Variants in NUDT1 observed in about 807,000 individuals in gnomAD.
The protein encoded by NUDT1 is nudix hydrolase 1.
Under a neutral mutation model 11.3 loss-of-function variants are expected in NUDT1, and 16 were observed. That is an observed-to-expected ratio of 1.41 (90% CI 0.96 to 2.15). The LOEUF (loss-of-function observed/expected upper bound fraction) is 2.15. Among genes scored for constraint, NUDT1 ranks in the 30% most tolerant of loss-of-function variants. The pLI is 0.00. For synonymous variants in NUDT1, 101 were observed against 84.4 expected (o/e 1.20, Z -1.08); for missense variants, 234 against 208.4 (o/e 1.12, Z -0.76).
chr7:2,244,848 G>A lies in NUDT1; in HGVS notation c.152+122G>A, dbSNP rs566397622. 1,942 of 1,104,354 alleles carry A rather than the reference G, an allele frequency of 1.8e-3. 45 individuals are homozygous for A. In the South Asian group the frequency reaches 0.027, roughly 15 times the overall value. The allele number at this position is 1,104,354 out of a possible 1,614,324, so 68.4% of individuals were successfully genotyped here. A position where few individuals can be genotyped will look rare whatever the true frequency, so the allele number is the denominator to read the frequency against. On this transcript the variant is annotated intron_variant, in intron 2 of 3. Coordinates refer to ENST00000356714, the MANE Select transcript of NUDT1 (RefSeq NM_002452.4). The stretch of plus-strand genomic sequence containing the variant: ...AGTGACCTGGAGCAGGGGGTTAAGC[G>A]TGAGCCTCAGTGTCTTCATCTCAGA...
At chr7:2,246,832 G>A (rs1794785311) in intron 2 of NUDT1, among the ~76,000 whole-genome samples, 1 of 152,144 alleles carries the variant, frequency 6.6e-6, no homozygotes, top group South Asian at 2.1e-4. Context: ...GGCCAGGCTG[G>A]TCTTGAACAC....
At chr7:2,242,886 T>A in intron 1 of NUDT1, 1 of 700,878 alleles carries the variant, frequency 1.4e-6, no homozygotes. Flanking sequence ...TTAGACTCCC[T>A]GCCTTATCGC....
rs374195109 is a variant in NUDT1, at chr7:2,249,933, G to A, written c.229G>A (p.Glu77Lys). Reference protein sequence around the residue: ...VGQIVFEFVGEPELMDVHVFC... With the variant: ...VGQIVFEFVGKPELMDVHVFC... ...CCAGATCGTGTTTGAGTTCGTGGGC[G>A]AGCCTGAGCTCATGGACGTGCATGT... is the stretch of plus-strand genomic sequence containing the variant. Residue 77 changes from glutamate (E) to lysine (K), a missense_variant, in exon 3 of 4, where the codon GAG becomes AAG. By Grantham distance (56) the Glu-to-Lys change is moderately conservative (BLOSUM62 1). Transcript: ENST00000356714. 46 of 1,614,106 alleles carry A rather than the reference G, an allele frequency of 2.8e-5. No individual in the cohort carries two copies. The African/African-American group carries it at 3.2e-4, about 11-fold the overall frequency.
chr7:2,243,049 G>T, intron 1 of NUDT1: 1 of 716,568 alleles, frequency 1.4e-6, no homozygotes. Flanking sequence ...GAGTGGGAAG[G>T]TGATTTTCCC....
At position 2,250,939 on chromosome 7, in the gene NUDT1, T is replaced by C; in HGVS notation, c.409T>C (p.Phe137Leu). ...LLQKKKFHGY[F>L]KFQGQDTILD... is the part of the protein sequence containing the mutation. The stretch of plus-strand genomic sequence containing the variant: ...TCAGAAGAAGAAATTCCACGGGTAC[T>C]TCAAGTTCCAGGGTCAGGACACCAT... The change falls in exon 4 of 4, where the codon TTC becomes CTC. Residue 137 changes from phenylalanine (F) to leucine (L), a missense_variant. Transcript: ENST00000356714. The C allele has an allele frequency of 1.9e-6, 3 of 1,613,922 alleles. No homozygotes were observed. Among genetic ancestry groups the C allele is most frequent in the Non-Finnish European group, 2.5e-6 (3 of 1,179,914 alleles).
chr7:2,243,122 C>A, intron 1 of NUDT1: 2 of 658,418 alleles, frequency 3.0e-6, no homozygotes, highest in Non-Finnish European at 2.8e-6. Flanking sequence ...ACTCATGGTT[C>A]CATCAGTTGA....
chr7:2,243,878 G>GACCTGC (rs35429564), intron 1 of NUDT1, among the ~76,000 whole-genome samples: 6,424 of 152,306 alleles, frequency 0.042, 433 homozygotes, highest in African/African-American at 0.14. Flanking sequence ...TCTGGACCTG[G>GACCTGC]ACCTGCACAC....
At chr7:2,248,481 T>C (rs1774351350) in intron 2 of NUDT1, among the ~76,000 whole-genome samples, 1 of 150,804 alleles carries the variant, frequency 6.6e-6, no homozygotes, top group Non-Finnish European at 1.5e-5. Flanking sequence ...CCTTGAGGTG[T>C]GGAATGTCAT....
At chr7:2,247,988 T>G (rs1794836223) in intron 2 of NUDT1, 1 of 152,218 alleles carries the variant, frequency 6.6e-6, no homozygotes, top group Non-Finnish European at 1.5e-5. Context: ...GCCATCTGTA[T>G]GAATAAATGC....
At chr7:2,243,411 G>C (rs1011773807) in intron 1 of NUDT1, among the ~76,000 whole-genome samples, 1 of 152,172 alleles carries the variant, frequency 6.6e-6, no homozygotes, top group Non-Finnish European at 1.5e-5. Flanking sequence ...CCTTTTCTCA[G>C]ACACCACAAC....
At position 2,249,876 on chromosome 7, in the gene NUDT1, G is replaced by T. The variant is rs766116531; in HGVS notation, c.172G>T (p.Gly58Cys). 8.7e-6 allele frequency: 14 copies of T among 1,613,796 alleles called. No homozygotes were observed. Among genetic ancestry groups the T allele is most frequent in the Non-Finnish European group, 1.2e-5 (14 of 1,180,032 alleles). ...CCGCAGGGAGCTGCAGGAGGAGAGC[G>T]GTCTGACAGTGGACGCCCTGCACAA... ...GARRELQEESGLTVDALHKVG... is the reference protein window; with the variant it reads ...GARRELQEESCLTVDALHKVG... Residue 58 changes from glycine to cysteine, a missense_variant, in exon 3 of 4, where the codon GGT (glycine) becomes TGT (cysteine). By Grantham distance (159) the Gly-to-Cys change is radical (BLOSUM62 -3). Transcript: ENST00000356714.
At chr7:2,248,953 C>G (rs34002396) in intron 2 of NUDT1, among the ~76,000 whole-genome samples, 4,504 of 152,350 alleles carry the variant, frequency 0.03, 102 homozygotes, top group Middle Eastern at 0.051. Context: ...AGGAAAAACA[C>G]TGAAATGGTA....
At position 2,242,228 on chromosome 7, in the gene NUDT1, A is replaced by G; in HGVS notation, c.-41A>G. On this transcript the variant is annotated 5_prime_UTR_variant, in exon 1 of 4. Coordinates refer to ENST00000356714, the MANE Select transcript of NUDT1 (RefSeq NM_002452.4). ...AGTGCCTGGCCTCACTTCCGGTCAGAGGCCACGCCCCCGGAAGCGGCGGTG... is the reference window on the plus strand; with the variant it reads ...AGTGCCTGGCCTCACTTCCGGTCAGGGGCCACGCCCCCGGAAGCGGCGGTG... 1 of 1,508,440 alleles carries G rather than the reference A, an allele frequency of 6.6e-7. No homozygotes were observed. The highest frequency in any genetic ancestry group is 2.1e-5 in the Admixed American group (1 of 48,594). The allele number at this position is 1,508,440 out of a possible 1,614,324, so 93.4% of individuals were successfully genotyped here. A position where few individuals can be genotyped will look rare whatever the true frequency, so the allele number is the denominator to read the frequency against.
chr7:2,242,565 G>A (rs571281150), intron 1 of NUDT1: 11 of 351,512 alleles, frequency 3.1e-5, no homozygotes, highest in African/African-American at 2.1e-4. Flanking sequence ...AAAGTACACG[G>A]GCCTGGTGTG....
intron 2 of NUDT1, among the ~76,000 whole-genome samples, chr7:2,246,874 C>T (rs1432602671): frequency 6.6e-6 from 1 of 152,156 alleles, no homozygotes; most frequent in Non-Finnish European, 1.5e-5. Context: ...GCCTCGGCTT[C>T]CCAAAGTGCT....
intron 2 of NUDT1, 31 bp downstream of exon 2, chr7:2,244,757 C>T (rs372952708): frequency 1.5e-5 from 24 of 1,591,142 alleles, no homozygotes; most frequent in Middle Eastern, 1.7e-4. Context: ...GCCATAGAAC[C>T]GGCTTTCCCA....
intron 1 of NUDT1, chr7:2,243,028 G>A (rs1452900013): frequency 4.2e-6 from 3 of 717,224 alleles, no homozygotes; most frequent in Non-Finnish European, 5.2e-6. Flanking sequence ...GGGGGAGCCA[G>A]AAGGCAGTTG....
intron 1 of NUDT1, among the ~76,000 whole-genome samples, chr7:2,243,909 C>T (rs35188662): frequency 2.8e-4 from 42 of 152,346 alleles, no homozygotes; most frequent in African/African-American, 9.6e-4. Flanking sequence ...AGGAAGGACC[C>T]TTGTGACTTC....
Position 2,244,466 on chromosome 7 carries a change from C to G in NUDT1, c.-12-97C>G. ...AGTTACAGCATACCCCCCCGCCCCCCACTGCCTCCCAGAGCACGTCCCCTT... is the reference window on the plus strand; with the variant it reads ...AGTTACAGCATACCCCCCCGCCCCCGACTGCCTCCCAGAGCACGTCCCCTT... On this transcript the variant is annotated intron_variant, in intron 1 of 3. Transcript: ENST00000356714. 5 of 1,000,638 alleles carry G rather than the reference C, an allele frequency of 5.0e-6. No homozygotes were observed. In the South Asian group the frequency reaches 5.0e-5, roughly 10 times the overall value. 62.0% of individuals were successfully genotyped at this position (1,000,638 alleles called of 1,614,324 possible).
Sources: allele counts gnomAD v4.1 joint callset (sites outside exome capture counted in the v4.1 genomes callset), GRCh38; gene constraint gnomAD v4.1.1; transcripts MANE v1.5; gene names NCBI Gene and HGNC (gene_info 2026-07-23, HGNC 2026-07-21).